WFDC9: variants seen among roughly 807,000 people sequenced by gnomAD.
The protein encoded by WFDC9 is WAP four-disulfide core domain 9, also known as protein WFDC9.
WFDC9 carries 9 observed loss-of-function variants against 9.5 expected under a neutral mutation model. That is an observed-to-expected ratio of 0.95 (90% CI 0.57 to 1.65). The LOEUF (loss-of-function observed/expected upper bound fraction) is 1.65. Ranked by LOEUF, WFDC9 falls within the 40% of genes most tolerant of loss-of-function variation. The probability of loss-of-function intolerance (pLI) is 0.00; values close to 1 mark genes in which losing one functional copy is unlikely to be tolerated. For synonymous variants in WFDC9, 33 were observed against 32.3 expected (o/e 1.02, Z -0.07); for missense variants, 87 against 106.7 (o/e 0.82, Z 0.81).
At chr20:45,627,934 G>A (rs1415267936) in intron 1 of WFDC9, among the ~76,000 whole-genome samples, 1 of 152,072 alleles carries the variant, frequency 6.6e-6, no homozygotes, top group African/African-American at 2.4e-5. Flanking sequence ...TGAGAAAAAT[G>A]TGTTCCTCTA....
chr20:45,614,195 C>T (rs1245074926), intron 2 of WFDC9, among the ~76,000 whole-genome samples: 1 of 152,136 alleles, frequency 6.6e-6, no homozygotes, highest in East Asian at 1.9e-4. Context: ...TCCTGTTTTG[C>T]ACACCCTCAA....
chr20:45,626,421 A>G (rs1476999423), intron 1 of WFDC9, among the ~76,000 whole-genome samples: 3 of 152,224 alleles, frequency 2.0e-5, no homozygotes, highest in African/African-American at 7.2e-5. Context: ...CCTTCCATCC[A>G]TGAGCATGGG....
chr20:45,624,300 T>G (rs1193094198), intron 1 of WFDC9, among the ~76,000 whole-genome samples: 1 of 152,228 alleles, frequency 6.6e-6, no homozygotes, highest in Non-Finnish European at 1.5e-5. Flanking sequence ...TCTCCAGATA[T>G]GAGTGAGACT....
At chr20:45,629,936 G>A in intron 1 of WFDC9, 1 of 1,609,144 alleles carries the variant, frequency 6.2e-7, no homozygotes, top group Non-Finnish European at 8.5e-7. Context: ...GGGTGAGGGG[G>A]AATTGGGTAG....
intron 2 of WFDC9, among the ~76,000 whole-genome samples, chr20:45,613,790 C>T (rs1384387562): frequency 6.6e-6 from 1 of 152,166 alleles, no homozygotes; most frequent in Non-Finnish European, 1.5e-5. Flanking sequence ...CCTTGAGAAC[C>T]TCAGAGTGTT....
intron 1 of WFDC9, among the ~76,000 whole-genome samples, chr20:45,625,589 C>A (rs1349607508): frequency 6.6e-6 from 1 of 151,948 alleles, no homozygotes; most frequent in East Asian, 1.9e-4. Context: ...AGTAGTTTTA[C>A]AGTTTCAGGT....
At chr20:45,608,262 C>A in intron 4 of WFDC9, 122 bp from the exon 5 acceptor site, 1 of 1,139,480 alleles carries the variant, frequency 8.8e-7, no homozygotes, top group East Asian at 2.4e-5. Flanking sequence ...AGAAGTTACC[C>A]ACTTTTAAGC....
chr20:45,626,443 T>C (rs1055049048), intron 1 of WFDC9, among the ~76,000 whole-genome samples: 1 of 152,208 alleles, frequency 6.6e-6, no homozygotes, highest in Non-Finnish European at 1.5e-5. Context: ...AGTTTTTCCA[T>C]TTGTTTGTAT....
At chr20:45,613,868 C>A (rs1364680549) in intron 2 of WFDC9, among the ~76,000 whole-genome samples, 1 of 152,152 alleles carries the variant, frequency 6.6e-6, no homozygotes, top group African/African-American at 2.4e-5. Context: ...CTGTTATCTG[C>A]TTACAGCCAG....
At chr20:45,630,667 G>A (rs935581176) in intron 1 of WFDC9, among the ~76,000 whole-genome samples, 5 of 152,076 alleles carry the variant, frequency 3.3e-5, no homozygotes, top group African/African-American at 1.2e-4. Context: ...GTCTAATGGG[G>A]TAAGGTGTAC....
intron 4 of WFDC9, 81 bp downstream of exon 4, chr20:45,608,581 TG>T: frequency 1.3e-6 from 2 of 1,497,676 alleles, no homozygotes; most frequent in South Asian, 2.7e-5. Context: ...AGGATTTGGG[TG>T]GCTGCGGTCT....
intron 1 of WFDC9, among the ~76,000 whole-genome samples, chr20:45,618,823 A>G (rs1052520546): frequency 1.1e-4 from 17 of 152,286 alleles, no homozygotes; most frequent in Non-Finnish European, 7.3e-5. Context: ...AATGTGACAC[A>G]AAGACATAAG....
At chr20:45,612,072 A>C (rs1981871960) in intron 2 of WFDC9, among the ~76,000 whole-genome samples, 1 of 152,202 alleles carries the variant, frequency 6.6e-6, no homozygotes, top group Non-Finnish European at 1.5e-5. Context: ...CTCATCTCAT[A>C]GGGTCACTGG....
intron 1 of WFDC9, among the ~76,000 whole-genome samples, chr20:45,626,880 C>T (rs531215331): frequency 6.6e-6 from 1 of 152,260 alleles, no homozygotes; most frequent in South Asian, 2.1e-4. Flanking sequence ...CTAGCCTTTC[C>T]TCTATATCTT....
At chr20:45,624,838 C>T (rs145144936) in intron 1 of WFDC9, among the ~76,000 whole-genome samples, 1 of 152,264 alleles carries the variant, frequency 6.6e-6, no homozygotes, top group African/African-American at 2.4e-5. Context: ...GTTGAGAGAA[C>T]AATGAAGTCA....
chr20:45,610,908 T>A (rs1180035613), intron 2 of WFDC9, among the ~76,000 whole-genome samples: 2 of 152,240 alleles, frequency 1.3e-5, no homozygotes, highest in African/African-American at 4.8e-5. Context: ...AAAGGTTTTA[T>A]GAATACGACT....
In WFDC9 at chr20:45,631,085, C is replaced by T. The variant is rs80157014; in HGVS notation, c.-153+118G>A. On this transcript the variant is annotated intron_variant, in intron 1 of 4. Transcript: ENST00000326000. ...CTCTATCCAAGACTGTGCCCACATC[C>T]GAAGCACAAGGACCTCAAGTCACCA... The T allele has an allele frequency of 9.7e-4, 1,422 of 1,466,854 alleles. 14 individuals carry two copies. The African/African-American group carries it at 0.017, about 18-fold the overall frequency. 90.9% of individuals were successfully genotyped at this position (1,466,854 alleles called of 1,614,324 possible). A position where few individuals can be genotyped will look rare whatever the true frequency, so the allele number is the denominator to read the frequency against.
At chr20:45,615,475 A>G (rs1193120181) in intron 1 of WFDC9, among the ~76,000 whole-genome samples, 1 of 152,210 alleles carries the variant, frequency 6.6e-6, no homozygotes, top group Admixed American at 6.5e-5. Context: ...AATTCTTCCT[A>G]GGATACAGGC....
At chr20:45,630,955 T>C (rs139643750) in intron 1 of WFDC9, 12 of 1,611,968 alleles carry the variant, frequency 7.4e-6, no homozygotes, top group Non-Finnish European at 1.0e-5. Context: ...CTCACCGAGA[T>C]TGTCAAGCAA....
Sources: gnomAD v4.1 joint callset for allele counts (sites outside exome capture counted in the v4.1 genomes callset) on GRCh38, gnomAD v4.1.1 for gene constraint, MANE v1.5 for transcripts, NCBI Gene and HGNC (gene_info 2026-07-23, HGNC 2026-07-21) for gene names.